The following ITGBL1 variants were observed in gnomAD, a reference collection of about 807,000 sequenced individuals.
The protein encoded by ITGBL1 is integrin beta-like protein 1.
Under a neutral mutation model 68.5 loss-of-function variants are expected in ITGBL1, and 51 were observed. The observed-to-expected ratio is 0.74, with a 90% CI of 0.59 to 0.94. The LOEUF (loss-of-function observed/expected upper bound fraction) is 0.94. Ranked by LOEUF, ITGBL1 falls within the 40% of genes least tolerant of loss-of-function variation. The pLI is 0.00. For synonymous variants in ITGBL1, 209 were observed against 227.3 expected (o/e 0.92, Z 0.72); for missense variants, 649 against 647.4 (o/e 1.00, Z -0.03).
At chr13:101,717,551 T>C (rs1163524813), downstream of ITGBL1, 1 of 152,180 alleles carries the variant, frequency 6.6e-6, no homozygotes, top group Non-Finnish European at 1.5e-5. Flanking sequence ...CATTACATTA[T>C]CTAGCCATCG....
chr13:101,604,091 G>T (rs2030549939), intron 7 of ITGBL1, among the ~76,000 whole-genome samples: 1 of 151,860 alleles, frequency 6.6e-6, no homozygotes. Context: ...AGTTAAAAAT[G>T]TCAAACCATA....
At chr13:101,634,002 T>TA (rs1420888075) in intron 7 of ITGBL1, among the ~76,000 whole-genome samples, 1 of 118,422 alleles carries the variant, frequency 8.4e-6, no homozygotes, top group African/African-American at 4.3e-5. Context: ...GAAATATGAC[T>TA]AAGATTTTGT....
intron 2 of ITGBL1, among the ~76,000 whole-genome samples, chr13:101,482,295 G>A (rs1329653513): frequency 6.6e-6 from 1 of 150,840 alleles, no homozygotes; most frequent in African/African-American, 2.4e-5. Flanking sequence ...ATTATAGATT[G>A]CATGTTAAAA....
At chr13:101,510,022 T>G (rs890829248) in intron 2 of ITGBL1, among the ~76,000 whole-genome samples, 1 of 152,122 alleles carries the variant, frequency 6.6e-6, no homozygotes, top group African/African-American at 2.4e-5. Flanking sequence ...GAGTACTAGC[T>G]TTAATTAATT....
intron 7 of ITGBL1, among the ~76,000 whole-genome samples, chr13:101,686,605 A>G (rs1183611750): frequency 6.6e-6 from 1 of 152,142 alleles, no homozygotes; most frequent in Non-Finnish European, 1.5e-5. Context: ...CGTTTTAATG[A>G]ATACTTTAAA....
chr13:101,671,066 C>A (rs1207778656), intron 7 of ITGBL1, among the ~76,000 whole-genome samples: 1 of 152,130 alleles, frequency 6.6e-6, no homozygotes, highest in East Asian at 1.9e-4. Context: ...TATTCTAAAT[C>A]TTTGTCATCT....
chr13:101,505,342 G>T (rs1458514822), intron 2 of ITGBL1, among the ~76,000 whole-genome samples: 1 of 152,114 alleles, frequency 6.6e-6, no homozygotes, highest in African/African-American at 2.4e-5. Context: ...AGTCCCTACT[G>T]TGGACTGGAT....
At chr13:101,458,746 A>G (rs1283974038) in intron 2 of ITGBL1, among the ~76,000 whole-genome samples, 2 of 152,178 alleles carry the variant, frequency 1.3e-5, no homozygotes, top group Non-Finnish European at 2.9e-5. Flanking sequence ...TGTAAATGCT[A>G]TGTAAATAGT....
chr13:101,480,537 A>G (rs1262859228), intron 2 of ITGBL1, among the ~76,000 whole-genome samples: 1 of 152,062 alleles, frequency 6.6e-6, no homozygotes, highest in Non-Finnish European at 1.5e-5. Context: ...GAATGTTTGT[A>G]ACACAAATAA....
chr13:101,506,578 C>T (rs1437385254), intron 2 of ITGBL1, among the ~76,000 whole-genome samples: 1 of 152,146 alleles, frequency 6.6e-6, no homozygotes, highest in Non-Finnish European at 1.5e-5. Context: ...AGAATTGTCC[C>T]TGCCCTGCTT....
At chr13:101,605,764 A>C (rs532614367) in intron 7 of ITGBL1, among the ~76,000 whole-genome samples, 1 of 128,546 alleles carries the variant, frequency 7.8e-6, no homozygotes, top group Non-Finnish European at 1.7e-5. Flanking sequence ...ATATGTGTGT[A>C]CACGTGTGTA....
intron 2 of ITGBL1, among the ~76,000 whole-genome samples, chr13:101,488,732 C>G (rs974705778): frequency 5.9e-5 from 9 of 152,078 alleles, no homozygotes; most frequent in Non-Finnish European, 1.3e-4. Flanking sequence ...AATAATTTTG[C>G]GTCTTCCTCA....
chr13:101,597,419 C>A (rs1157201004), intron 6 of ITGBL1, among the ~76,000 whole-genome samples: 10 of 127,220 alleles, frequency 7.9e-5, no homozygotes, highest in African/African-American at 2.0e-4. Context: ...GTCTAAAAAG[C>A]AAAAAAAAAA....
At chr13:101,593,780 G>A (rs2050697771) in intron 6 of ITGBL1, among the ~76,000 whole-genome samples, 1 of 152,092 alleles carries the variant, frequency 6.6e-6, no homozygotes, top group South Asian at 2.1e-4. Context: ...GGAGGATAGG[G>A]AAAGGTTGGT....
intron 7 of ITGBL1, among the ~76,000 whole-genome samples, chr13:101,607,062 G>T (rs2030900897): frequency 6.6e-6 from 1 of 151,646 alleles, no homozygotes; most frequent in African/African-American, 2.4e-5. Flanking sequence ...GAATACATAG[G>T]TCTAAAAAAA....
chr13:101,615,365 G>A (rs2031309711), intron 7 of ITGBL1, among the ~76,000 whole-genome samples: 1 of 152,112 alleles, frequency 6.6e-6, no homozygotes, highest in South Asian at 2.1e-4. Flanking sequence ...TGAATTTTGA[G>A]GAACACTATT....
chr13:101,592,276 T>C (rs2050668095), intron 6 of ITGBL1, among the ~76,000 whole-genome samples: 1 of 152,186 alleles, frequency 6.6e-6, no homozygotes, highest in Non-Finnish European at 1.5e-5. Flanking sequence ...CTGGTTTTAC[T>C]CTAAGGGTCT....
intron 9 of ITGBL1, chr13:101,713,770 A>C (rs2034588159): frequency 6.6e-6 from 1 of 152,164 alleles, no homozygotes; most frequent in Non-Finnish European, 1.5e-5. Context: ...AGGTAGGAGA[A>C]ATGGGTGAAG....
At chr13:101,690,373 T>C (rs566716581) in intron 7 of ITGBL1, among the ~76,000 whole-genome samples, 2 of 152,240 alleles carry the variant, frequency 1.3e-5, no homozygotes, top group Admixed American at 6.5e-5. Context: ...AAAATGTGAA[T>C]TACTTAAAAT....
Sources: allele counts gnomAD v4.1 joint callset (sites outside exome capture counted in the v4.1 genomes callset), GRCh38; gene constraint gnomAD v4.1.1; transcripts MANE v1.5; gene names NCBI Gene and HGNC (gene_info 2026-07-23, HGNC 2026-07-21).